The following PDE8B variants were observed in gnomAD, a reference collection of about 807,000 sequenced individuals.
The protein encoded by PDE8B is high affinity cAMP-specific and IBMX-insensitive 3',5'-cyclic phosphodiesterase 8B.
In PDE8B, 26 loss-of-function variants were observed where a neutral mutation model predicts 101.3. The observed-to-expected ratio is 0.26, with a 90% CI of 0.19 to 0.36. The LOEUF (loss-of-function observed/expected upper bound fraction) is 0.36. PDE8B is among the 10% of genes least tolerant of loss of function. The pLI is 1.00. For synonymous variants in PDE8B, 424 were observed against 429.3 expected, an observed-to-expected ratio of 0.99 and a Z score of 0.15; for missense variants, 810 against 1,163.1, an observed-to-expected ratio of 0.70 and a Z score of 4.42.
At chr5:77,089,859 A>G in the PDE8B span, among the ~76,000 whole-genome samples, 2 of 152,234 alleles carry the variant, frequency 1.3e-5, no homozygotes, top group Admixed American at 6.5e-5. Context: ...GTTTATAGCC[A>G]CACTATTCAC....
the PDE8B span, among the ~76,000 whole-genome samples, chr5:77,192,920 A>C: frequency 6.6e-6 from 1 of 152,076 alleles, no homozygotes; most frequent in Non-Finnish European, 1.5e-5. Context: ...TTTGCACTTC[A>C]CTGATGACTA....
At chr5:77,094,967 G>T in the PDE8B span, among the ~76,000 whole-genome samples, 1 of 152,072 alleles carries the variant, frequency 6.6e-6, no homozygotes. Context: ...AAACTTCAGC[G>T]TGAGACTTGG....
At chr5:77,239,333 G>A (rs529625332) in intron 1 of PDE8B, among the ~76,000 whole-genome samples, 1 of 152,316 alleles carries the variant, frequency 6.6e-6, no homozygotes, top group Admixed American at 6.5e-5. Flanking sequence ...ATGCCACCCA[G>A]TGGCCAGTCT....
chr5:77,345,066 T>G (rs1300434154), intron 7 of PDE8B, 135 bp downstream of exon 7: 2 of 722,300 alleles, frequency 2.8e-6, no homozygotes, highest in African/African-American at 3.5e-5. Context: ...TATCAAGCTG[T>G]GCAAAGAATA....
chr5:77,322,880 A>G (rs552812888), intron 2 of PDE8B, among the ~76,000 whole-genome samples: 2 of 152,386 alleles, frequency 1.3e-5, no homozygotes, highest in East Asian at 3.8e-4. Flanking sequence ...TAAGCAGTTA[A>G]TAGCAGTGTT....
At chr5:77,325,799 T>C in intron 3 of PDE8B, 70 bp downstream of exon 3, 1 of 1,035,958 alleles carries the variant, frequency 9.7e-7, no homozygotes, top group Non-Finnish European at 1.5e-6. Context: ...CATTTATAGA[T>C]ATCTTTAGTT....
At chr5:77,224,414 A>G (rs1288878847) in intron 1 of PDE8B, among the ~76,000 whole-genome samples, 2 of 152,230 alleles carry the variant, frequency 1.3e-5, no homozygotes, top group Non-Finnish European at 2.9e-5. Flanking sequence ...CCTCACGTGT[A>G]CATCCCCCAG....
At chr5:77,372,481 GT>G (rs1424330662) in intron 10 of PDE8B, among the ~76,000 whole-genome samples, 3 of 152,266 alleles carry the variant, frequency 2.0e-5, no homozygotes, top group African/African-American at 7.2e-5. Flanking sequence ...TTCCGAACAA[GT>G]TTATATAAGA....
intron 1 of PDE8B, among the ~76,000 whole-genome samples, chr5:77,260,771 A>T (rs1370315536): frequency 1.3e-5 from 2 of 151,520 alleles, no homozygotes; most frequent in Admixed American, 1.3e-4. Context: ...TATTTTTATT[A>T]ATAGTAGAGA....
intron 2 of PDE8B, 50 bp downstream of exon 2, chr5:77,312,103 T>TTC (rs763174296): frequency 7.8e-7 from 1 of 1,281,932 alleles, no homozygotes; most frequent in Non-Finnish European, 1.1e-6. Flanking sequence ...TCTTTTTTTT[T>TTC]TCTTTTTTTT....
At chr5:77,300,422 A>G (rs150379469) in intron 1 of PDE8B, among the ~76,000 whole-genome samples, 4 of 152,254 alleles carry the variant, frequency 2.6e-5, no homozygotes, top group African/African-American at 9.6e-5. Flanking sequence ...ACAGAACTGT[A>G]CCCCTTTCAT....
At chr5:77,242,776 A>C (rs1756032402) in intron 1 of PDE8B, among the ~76,000 whole-genome samples, 1 of 152,132 alleles carries the variant, frequency 6.6e-6, no homozygotes, top group Admixed American at 6.5e-5. Flanking sequence ...GGTTCACGCC[A>C]TTCTCCTGCC....
At chr5:77,107,296 T>G in the PDE8B span, among the ~76,000 whole-genome samples, 4 of 152,226 alleles carry the variant, frequency 2.6e-5, no homozygotes, top group African/African-American at 9.6e-5. Flanking sequence ...TAATCCAGTC[T>G]ATCTTATTTT....
At chr5:77,347,787 G>C (rs997996689) in intron 7 of PDE8B, among the ~76,000 whole-genome samples, 1 of 152,162 alleles carries the variant, frequency 6.6e-6, no homozygotes, top group African/African-American at 2.4e-5. Flanking sequence ...GAGAGGGAAA[G>C]AGACAGGGAA....
chr5:77,274,402 C>T lies in PDE8B; in HGVS notation c.340-37592C>T, dbSNP rs537562799. Among the ~76,000 whole-genome samples, 14 of 152,292 alleles carry T rather than the reference C, an allele frequency of 9.2e-5. No homozygotes were observed. In the South Asian group the frequency reaches 2.3e-3, roughly 25 times the overall value. Reference sequence around the variant, plus strand: ...TCCACTGCTTCCTGCTGCCTTCCTGCGGACCCATTCATAAGACTGACATAT... The same window carrying T: ...TCCACTGCTTCCTGCTGCCTTCCTGTGGACCCATTCATAAGACTGACATAT... On this transcript the variant is annotated intron_variant, in intron 1 of 21. Coordinates refer to ENST00000264917, the MANE Select transcript of PDE8B (RefSeq NM_003719.5).
At chr5:77,229,958 G>C (rs184561911) in intron 1 of PDE8B, among the ~76,000 whole-genome samples, 30 of 152,298 alleles carry the variant, frequency 2.0e-4, no homozygotes, top group East Asian at 1.2e-3. Context: ...TATATACTAG[G>C]AGTAGAACTG....
the PDE8B span, among the ~76,000 whole-genome samples, chr5:77,135,160 TCA>T: frequency 6.6e-6 from 1 of 152,228 alleles, no homozygotes; most frequent in Non-Finnish European, 1.5e-5. Context: ...GGACACAGTG[TCA>T]CAGTTTCTCA....
intron 10 of PDE8B, among the ~76,000 whole-genome samples, chr5:77,396,548 C>T (rs181541033): frequency 6.6e-6 from 1 of 152,352 alleles, no homozygotes; most frequent in African/African-American, 2.4e-5. Context: ...CACAGCACAG[C>T]TACAGCTCCA....
chr5:77,400,145 T>TC, intron 10 of PDE8B, 103 bp from the exon 11 acceptor site: 1 of 823,900 alleles, frequency 1.2e-6, no homozygotes, highest in Admixed American at 1.8e-5. Flanking sequence ...CTTGCTTTCT[T>TC]CAAGTCTTCA....
Sources: gnomAD v4.1 joint callset for allele counts (sites outside exome capture counted in the v4.1 genomes callset) on GRCh38, gnomAD v4.1.1 for gene constraint, MANE v1.5 for transcripts, NCBI Gene and HGNC (gene_info 2026-07-23, HGNC 2026-07-21) for gene names.